The following MYO1D variants were observed in gnomAD, a reference collection of about 807,000 sequenced individuals.
MYO1D encodes the protein myosin ID, also known as unconventional myosin-Id.
MYO1D carries 83 observed loss-of-function variants against 122.0 expected under a neutral mutation model. That is an observed-to-expected ratio of 0.68 (90% CI 0.57 to 0.82). The LOEUF (loss-of-function observed/expected upper bound fraction) is 0.82, where lower values mean the gene tolerates loss of function less well. Among genes scored for constraint, MYO1D ranks in the 40% least tolerant of loss-of-function variants. The pLI, the probability that MYO1D is intolerant of heterozygous loss-of-function variation, is 0.00. For missense variants in MYO1D, 1,157 were observed against 1,269.5 expected, an observed-to-expected ratio of 0.91 and a Z score of 1.35; for synonymous variants, 464 against 446.9, an observed-to-expected ratio of 1.04 and a Z score of -0.48.
At chr17:32,572,798 G>A (rs2087243726) in intron 21 of MYO1D, among the ~76,000 whole-genome samples, 1 of 151,862 alleles carries the variant, frequency 6.6e-6, no homozygotes, top group South Asian at 2.1e-4. Flanking sequence ...TCTGCTTGGT[G>A]ACATCTCAGA....
intron 11 of MYO1D, among the ~76,000 whole-genome samples, chr17:32,749,713 C>T (rs182552508): frequency 1.3e-3 from 203 of 152,108 alleles, no homozygotes; most frequent in Non-Finnish European, 1.9e-3. Flanking sequence ...GGCAATACAG[C>T]GAGACCCTGT....
chr17:32,668,770 C>T (rs1032325077), intron 16 of MYO1D, among the ~76,000 whole-genome samples: 1 of 150,540 alleles, frequency 6.6e-6, no homozygotes, highest in Admixed American at 6.6e-5. Context: ...GGCGTGATCT[C>T]GGCTCACTGC....
chr17:32,817,819 A>T (rs2151055076), intron 1 of MYO1D, among the ~76,000 whole-genome samples: 1 of 152,274 alleles, frequency 6.6e-6, no homozygotes, highest in Non-Finnish European at 1.5e-5. Context: ...CCAGATAAAG[A>T]AATGGAGACT....
intron 16 of MYO1D, among the ~76,000 whole-genome samples, chr17:32,662,671 A>G (rs537285603): frequency 4.2e-4 from 64 of 152,044 alleles, no homozygotes; most frequent in African/African-American, 1.4e-3. Context: ...AGACTGTCTC[A>G]AAAGAAAAAA....
chr17:32,801,314 T>C (rs1432419279), intron 1 of MYO1D, among the ~76,000 whole-genome samples: 1 of 152,250 alleles, frequency 6.6e-6, no homozygotes, highest in Non-Finnish European at 1.5e-5. Flanking sequence ...TTGCTTATAA[T>C]TCGTCTAAGT....
In MYO1D at chr17:32,765,084, G is replaced by C. The variant is rs771986747; in HGVS notation, c.832-3C>G. 6.2e-7 allele frequency: 1 copy of C among 1,605,226 alleles called. No homozygotes were observed. Among genetic ancestry groups the C allele is most frequent in the South Asian group, 1.1e-5 (1 of 90,798 alleles). On this transcript the variant is annotated splice_polypyrimidine_tract_variant and splice_region_variant and intron_variant, in intron 7 of 21. Transcript: ENST00000318217. ...TCTACTACAAATTTTAAATTTCCCTGTATCAAAAGTGAAAAAAATAACACA... is the reference window on the plus strand; with the variant it reads ...TCTACTACAAATTTTAAATTTCCCTCTATCAAAAGTGAAAAAAATAACACA...
In MYO1D at chr17:32,876,397, C is replaced by G. The variant is rs557354093; in HGVS notation, c.95+381G>C. On this transcript the variant is annotated intron_variant, in intron 1 of 21. Coordinates refer to ENST00000318217, the MANE Select transcript of MYO1D (RefSeq NM_015194.3). ...GGGCCTTCGGGGCCACCGCAACTCT[C>G]GTTCAAGTTATTTCCCTTCAGTTTC... Among the ~76,000 whole-genome samples, 8 of 152,346 alleles carry G rather than the reference C, an allele frequency of 5.3e-5. 1 individual carries two copies. The highest frequency in any genetic ancestry group is 1.2e-4 in the African/African-American group (5 of 41,586).
intron 21 of MYO1D, among the ~76,000 whole-genome samples, chr17:32,581,657 C>T (rs941231155): frequency 6.6e-6 from 1 of 151,900 alleles, no homozygotes; most frequent in Non-Finnish European, 1.5e-5. Context: ...ACTGCAGCCT[C>T]AACTTCCTGG....
At chr17:32,677,869 T>G (rs2088845571) in intron 16 of MYO1D, among the ~76,000 whole-genome samples, 1 of 152,098 alleles carries the variant, frequency 6.6e-6, no homozygotes, top group Admixed American at 6.5e-5. Flanking sequence ...AAATCTGCCC[T>G]TCTTTTTTGT....
At chr17:32,822,135 CAAT>C (rs35283310) in intron 1 of MYO1D, among the ~76,000 whole-genome samples, 61,667 of 151,558 alleles carry the variant, frequency 0.41, 12,784 homozygotes, top group East Asian at 0.53. Flanking sequence ...AAATGTCCAA[CAAT>C]GATAGACTGG....
chr17:32,509,383 A>T (rs1276786724), intron 21 of MYO1D, among the ~76,000 whole-genome samples: 1 of 152,212 alleles, frequency 6.6e-6, no homozygotes. Context: ...CAGTGAAATA[A>T]AAACATTTGG....
At chr17:32,800,689 GTTTTTGTTTT>G (rs556639497) in intron 1 of MYO1D, among the ~76,000 whole-genome samples, 39 of 151,988 alleles carry the variant, frequency 2.6e-4, no homozygotes, top group Non-Finnish European at 4.7e-4. Context: ...GGAGCTATTT[GTTTTTGTTTT>G]TTTTTGTTTT....
intron 21 of MYO1D, among the ~76,000 whole-genome samples, chr17:32,506,190 G>A (rs1386014424): frequency 6.6e-6 from 1 of 152,252 alleles, no homozygotes; most frequent in Non-Finnish European, 1.5e-5. Flanking sequence ...GGAAAGAGCA[G>A]AGCATGAGGT....
At chr17:32,857,223 C>A (rs980841340) in intron 1 of MYO1D, among the ~76,000 whole-genome samples, 2 of 152,300 alleles carry the variant, frequency 1.3e-5, no homozygotes, top group East Asian at 3.9e-4. Flanking sequence ...GTTTCCTTCC[C>A]ATTTTCCATT....
At chr17:32,714,104 G>A (rs2089412991) in intron 15 of MYO1D, among the ~76,000 whole-genome samples, 1 of 150,408 alleles carries the variant, frequency 6.6e-6, no homozygotes, top group African/African-American at 2.5e-5. Context: ...TGTGTAGGAT[G>A]TGCAGGTTTG....
intron 1 of MYO1D, among the ~76,000 whole-genome samples, chr17:32,860,547 A>G (rs7213395): frequency 0.014 from 2,116 of 152,334 alleles, 43 homozygotes; most frequent in African/African-American, 0.046. Context: ...TTGCCCTTCA[A>G]TAGAGAACTA....
intron 21 of MYO1D, among the ~76,000 whole-genome samples, chr17:32,507,557 T>C (rs1909542526): frequency 6.6e-6 from 1 of 152,206 alleles, no homozygotes; most frequent in Non-Finnish European, 1.5e-5. Context: ...TAGCATCACA[T>C]AGAAACCATC....
chr17:32,851,830 G>A (rs995727137), intron 1 of MYO1D, among the ~76,000 whole-genome samples: 1 of 152,232 alleles, frequency 6.6e-6, no homozygotes, highest in Non-Finnish European at 1.5e-5. Flanking sequence ...TCAGGAGGTG[G>A]AGCTCAGGCT....
At chr17:32,777,976 C>A (rs1367444370) in intron 3 of MYO1D, among the ~76,000 whole-genome samples, 2 of 152,128 alleles carry the variant, frequency 1.3e-5, no homozygotes, top group Non-Finnish European at 2.9e-5. Flanking sequence ...AGAAATTCCA[C>A]TGTCAGTGGA....
Sources: gnomAD v4.1 joint callset for allele counts (sites outside exome capture counted in the v4.1 genomes callset) on GRCh38, gnomAD v4.1.1 for gene constraint, MANE v1.5 for transcripts, NCBI Gene and HGNC (gene_info 2026-07-23, HGNC 2026-07-21) for gene names.